Variants in SLC49A4 observed in about 807,000 individuals in gnomAD.
SLC49A4 encodes the protein solute carrier family 49 member 4.
A neutral mutation model predicts 50.6 loss-of-function variants in SLC49A4; 36 were observed. The ratio of observed to expected loss-of-function variants is 0.71; its 90% CI spans 0.55 to 0.94. The LOEUF is 0.94. SLC49A4 is among the 40% of genes least tolerant of loss of function. SLC49A4 has a pLI of 0.00. For missense variants in SLC49A4, 503 were observed against 605.7 expected (o/e 0.83, Z 1.78); for synonymous variants, 248 against 241.2 (o/e 1.03, Z -0.26).
chr3:122,856,381 A>C lies in SLC49A4; in HGVS notation c.1010+7A>C. 1 of 1,613,692 alleles carries C rather than the reference A, an allele frequency of 6.2e-7. No individual in the cohort carries two copies. The highest frequency in any genetic ancestry group is 8.5e-7 in the Non-Finnish European group (1 of 1,179,708). ...TTGGAATAGCTATGGCAAGGTGAGA[A>C]TATTTTGTTAAACTTGTGAGTGGAC... On this transcript the variant is annotated splice_region_variant and intron_variant, in intron 6 of 8. Coordinates refer to ENST00000261038, the MANE Select transcript of SLC49A4 (RefSeq NM_032839.3).
At chr3:122,834,586 A>G (rs754168405) in intron 4 of SLC49A4, among the ~76,000 whole-genome samples, 3 of 152,192 alleles carry the variant, frequency 2.0e-5, no homozygotes, top group Non-Finnish European at 4.4e-5. Context: ...AGTTTATAGC[A>G]CTAAATGCCT....
chr3:122,856,456 T>C, intron 6 of SLC49A4, 82 bp downstream of exon 6: 1 of 1,280,528 alleles, frequency 7.8e-7, no homozygotes, highest in Admixed American at 2.0e-5. Context: ...TAAATAAACA[T>C]TACAATTCAG....
rs1355961705 is a variant in SLC49A4 at position 122,840,658 on chromosome 3, G to T, written c.834-5105G>T. ...ATCTTTGATATTCAGTGGATATTTT[G>T]CACTTAAAGCACATGTCAATTTGGA... On this transcript the variant is annotated intron_variant, in intron 4 of 8. Coordinates refer to ENST00000261038, the MANE Select transcript of SLC49A4 (RefSeq NM_032839.3). 5.3e-5 allele frequency among the ~76,000 whole-genome samples: 8 copies of T among 152,080 alleles called. No homozygotes were observed. The East Asian group carries it at 1.4e-3, about 26-fold the overall frequency.
intron 8 of SLC49A4, among the ~76,000 whole-genome samples, chr3:122,873,774 A>G (rs896564918): frequency 1.3e-5 from 2 of 152,258 alleles, no homozygotes; most frequent in African/African-American, 4.8e-5. Context: ...CCATCACCAG[A>G]AATCAGGTTC....
At chr3:122,797,635 G>C (rs1452387395) in intron 1 of SLC49A4, among the ~76,000 whole-genome samples, 1 of 152,178 alleles carries the variant, frequency 6.6e-6, no homozygotes, top group Non-Finnish European at 1.5e-5. Flanking sequence ...TCCTACCAAA[G>C]GGAGATTTTC....
intron 2 of SLC49A4, among the ~76,000 whole-genome samples, chr3:122,814,138 C>T (rs544289757): frequency 2.6e-5 from 4 of 152,108 alleles, no homozygotes; most frequent in Admixed American, 2.0e-4. Context: ...AGGCATGGTG[C>T]ATTCCTATAA....
At position 122,833,438 on chromosome 3, in the gene SLC49A4, A is replaced by G. The variant is rs767711989; in HGVS notation, c.825A>G (p.Arg275=). The change falls in exon 4 of 9, where the codon AGA becomes AGG. Residue 275 remains arginine, a synonymous_variant. Coordinates refer to ENST00000261038, the MANE Select transcript of SLC49A4 (RefSeq NM_032839.3). ...QRLSYRRSVC[R]LLSNFRFLMI... The stretch of plus-strand genomic sequence containing the variant: ...TGAGTTATCGGAGAAGCGTTTGTAG[A>G]TTATTAAGGTAAATATACTGAGAGT... 21 of 1,613,176 alleles carry G rather than the reference A, an allele frequency of 1.3e-5. No individual in the cohort carries two copies. The Admixed American group carries it at 2.7e-4, about 21-fold the overall frequency.
chr3:122,795,186 C>T lies in SLC49A4; in HGVS notation c.-7C>T. 1 of 1,315,586 alleles carries T rather than the reference C, an allele frequency of 7.6e-7. No individual in the cohort carries two copies. The highest frequency in any genetic ancestry group is 2.4e-5 in the South Asian group (1 of 41,586). 81.5% of individuals were successfully genotyped at this position (1,315,586 alleles called of 1,614,324 possible). A position where few individuals can be genotyped will look rare whatever the true frequency, so the allele number is the denominator to read the frequency against. ...CCCGGCAGTGGCTTCGCGGGCGACG[C>T]GTCGCCATGGGCTCTCGCTGGAGCA... On this transcript the variant is annotated 5_prime_UTR_variant, in exon 1 of 9. Transcript: ENST00000261038.
intron 5 of SLC49A4, among the ~76,000 whole-genome samples, chr3:122,851,577 C>A (rs2107576212): frequency 6.6e-6 from 1 of 152,250 alleles, no homozygotes; most frequent in South Asian, 2.1e-4. Flanking sequence ...TTGGTTTCAG[C>A]AGTTTTGCTT....
chr3:122,813,258 C>T (rs148861055), intron 2 of SLC49A4, among the ~76,000 whole-genome samples: 4,820 of 148,996 alleles, frequency 0.032, 108 homozygotes, highest in Middle Eastern at 0.074. Context: ...AAAAAAAAAG[C>T]TGTGTAAAAT....
intron 3 of SLC49A4, among the ~76,000 whole-genome samples, chr3:122,830,123 T>C (rs941653227): frequency 2.6e-5 from 4 of 152,162 alleles, no homozygotes; most frequent in African/African-American, 9.7e-5. Flanking sequence ...ACTTAACAAA[T>C]GAAGTGCAGA....
At chr3:122,795,619 C>T (rs1936019644) in intron 1 of SLC49A4, 84 bp downstream of exon 1, 1 of 1,495,824 alleles carries the variant, frequency 6.7e-7, no homozygotes, top group African/African-American at 1.5e-5. Context: ...CCAGCCGCCT[C>T]CCTTGGCCCC....
chr3:122,809,757 G>A (rs1936273860), intron 2 of SLC49A4, among the ~76,000 whole-genome samples: 1 of 151,994 alleles, frequency 6.6e-6, no homozygotes, highest in South Asian at 2.1e-4. Flanking sequence ...ATGTAGAACA[G>A]GTAAGAAGTA....
intron 1 of SLC49A4, among the ~76,000 whole-genome samples, chr3:122,804,927 A>G (rs982612969): frequency 3.3e-5 from 5 of 152,360 alleles, no homozygotes; most frequent in African/African-American, 1.2e-4. Context: ...AAGCCTGGTT[A>G]TTGGACCATA....
chr3:122,827,251 T>C (rs1309420675), intron 3 of SLC49A4, among the ~76,000 whole-genome samples, 186 bp downstream of exon 3: 1 of 152,176 alleles, frequency 6.6e-6, no homozygotes, highest in African/African-American at 2.4e-5. Context: ...ACACTCTTCC[T>C]AGGAAGTTAA....
chr3:122,825,272 C>T (rs532855447), intron 2 of SLC49A4, among the ~76,000 whole-genome samples: 7 of 152,226 alleles, frequency 4.6e-5, no homozygotes, highest in South Asian at 4.1e-4. Flanking sequence ...CACTTAATGA[C>T]GTTATTGCTG....
At chr3:122,853,905 A>G (rs1200352596) in intron 5 of SLC49A4, among the ~76,000 whole-genome samples, 1 of 152,272 alleles carries the variant, frequency 6.6e-6, no homozygotes, top group African/African-American at 2.4e-5. Flanking sequence ...AGTAGAATTT[A>G]AAATTACATG....
intron 4 of SLC49A4, among the ~76,000 whole-genome samples, chr3:122,842,225 G>A (rs945687298): frequency 6.6e-6 from 1 of 152,022 alleles, no homozygotes; most frequent in South Asian, 2.1e-4. Flanking sequence ...GGTGGCTCAC[G>A]CCTGTAATCC....
intron 7 of SLC49A4, among the ~76,000 whole-genome samples, chr3:122,867,485 T>G (rs1256547528): frequency 6.6e-6 from 1 of 152,226 alleles, no homozygotes; most frequent in Non-Finnish European, 1.5e-5. Flanking sequence ...AAAGAGCTGA[T>G]AGGATGATCA....
Sources: allele counts gnomAD v4.1 joint callset (sites outside exome capture counted in the v4.1 genomes callset), GRCh38; gene constraint gnomAD v4.1.1; transcripts MANE v1.5; gene names NCBI Gene and HGNC (gene_info 2026-07-23, HGNC 2026-07-21).